CLCN7: variants seen among roughly 807,000 people sequenced by gnomAD.
CLCN7 encodes the protein Cl-/H+ antiporter 7, also known as H(+)/Cl(-) exchange transporter 7.
CLCN7 carries 60 observed loss-of-function variants against 102.1 expected under a neutral mutation model. The observed-to-expected ratio is 0.59, with a 90% CI of 0.48 to 0.73. CLCN7 has a LOEUF of 0.73. Ranked by LOEUF, CLCN7 falls within the 30% of genes least tolerant of loss-of-function variation. CLCN7 has a pLI of 0.00. For synonymous variants in CLCN7, 560 were observed against 490.5 expected (o/e 1.14, Z -1.87); for missense variants, 962 against 1,125.7 (o/e 0.85, Z 2.08).
chr16:1,468,434 T>C (rs1368871921), intron 1 of CLCN7, among the ~76,000 whole-genome samples: 23 of 152,204 alleles, frequency 1.5e-4, no homozygotes, highest in Admixed American at 1.5e-3. Context: ...TTTGAGAAGG[T>C]GGCTTTCGTA....
intron 1 of CLCN7, among the ~76,000 whole-genome samples, chr16:1,468,832 C>G (rs1014557619): frequency 2.6e-5 from 4 of 152,080 alleles, no homozygotes; most frequent in African/African-American, 9.7e-5. Context: ...GGGGGAAACT[C>G]GGTGAAGGGT....
chr16:1,447,459 T>A lies in CLCN7; in HGVS notation c.2183A>T (p.Gln728Leu), dbSNP rs1156961429. The A allele has an allele frequency of 6.4e-7, 1 of 1,552,732 alleles. No homozygotes were observed. The highest frequency in any genetic ancestry group is 1.2e-5 in the South Asian group (1 of 84,248). Residue 728 changes from glutamine to leucine, a missense_variant, in exon 23 of 25, where the codon CAG becomes CTG. Physicochemically the swap from Gln to Leu is moderately radical, Grantham distance 113. Around this residue, in one of 2 missense-constraint regions of CLCN7, gnomAD observed 799 missense variants for 988.0 expected, o/e 0.81. Coordinates refer to ENST00000382745, the MANE Select transcript of CLCN7 (RefSeq NM_001287.6). ...GTCCATGGTGCACTCCCGCTCGTCCTGGGACACGTGGATGGACTGGATGGG... is the reference window on the plus strand; with the variant it reads ...GTCCATGGTGCACTCCCGCTCGTCCAGGGACACGTGGATGGACTGGATGGG... Reference protein sequence around the residue: ...FPPIQSIHVSQDERECTMDLS... With the variant: ...FPPIQSIHVSLDERECTMDLS...
intron 10 of CLCN7, 89 bp downstream of exon 10, chr16:1,456,024 C>A: frequency 8.4e-7 from 1 of 1,187,508 alleles, no homozygotes; most frequent in Admixed American, 2.0e-5. Flanking sequence ...CTGCCACCCT[C>A]AGCGGGCACT....
intron 24 of CLCN7, 118 bp downstream of exon 24, chr16:1,446,888 C>T (rs375215757): frequency 1.2e-4 from 139 of 1,174,988 alleles, no homozygotes; most frequent in Non-Finnish European, 1.6e-4. Context: ...GGGCATGGGC[C>T]GACTCGGTGC....
chr16:1,469,039 GA>G (rs58295150), intron 1 of CLCN7, among the ~76,000 whole-genome samples: 17,851 of 118,464 alleles, frequency 0.15, 1,636 homozygotes, highest in African/African-American at 0.3. Flanking sequence ...TAAAAAAAAC[GA>G]AAAAAAAAAA....
intron 9 of CLCN7, 107 bp from the exon 10 acceptor site, chr16:1,456,313 G>A: frequency 1.2e-6 from 1 of 806,796 alleles, no homozygotes; most frequent in Non-Finnish European, 2.1e-6. Context: ...GGGGCTTTCA[G>A]GACAACCGAG....
chr16:1,469,664 C>A (rs1316529191), intron 1 of CLCN7, among the ~76,000 whole-genome samples: 1 of 152,088 alleles, frequency 6.6e-6, no homozygotes, highest in African/African-American at 2.4e-5. Flanking sequence ...TCAGCCTGGG[C>A]GACAGAGGGA....
chr16:1,459,415 G>GAA lies in CLCN7; in HGVS notation c.595-229_595-228insTT, dbSNP rs1220421588. The GAA allele has an allele frequency of 1.2e-5, 6 of 493,094 alleles. 1 individual carries two copies. The highest frequency in any genetic ancestry group is 1.0e-4 in the Admixed American group (3 of 29,010). The allele number at this position is 493,094 out of a possible 1,614,324, so 30.5% of individuals were successfully genotyped here. The stretch of plus-strand genomic sequence containing the variant: ...GCACACGTCGGGGCCCCAGGGAAGG[G>GAA]GAGCTCAGCACACACGTCGGGGCAT... On this transcript the variant is annotated intron_variant, in intron 6 of 24. Coordinates refer to ENST00000382745, the MANE Select transcript of CLCN7 (RefSeq NM_001287.6).
Position 1,446,997 on chromosome 16 carries a change from C to A in CLCN7, c.2331+9G>T. 6.3e-7 allele frequency: 1 copy of A among 1,577,450 alleles called. No homozygotes were observed. The highest frequency in any genetic ancestry group is 8.6e-7 in the Non-Finnish European group (1 of 1,166,154). ...ACGGCATGCCTGCACCCCCACCGCC[C>A]CCGCTCACCTGATTGCGGTTGTCCA... is the stretch of plus-strand genomic sequence containing the variant. On this transcript the variant is annotated intron_variant, in intron 24 of 24. Coordinates refer to ENST00000382745, the MANE Select transcript of CLCN7 (RefSeq NM_001287.6).
intron 2 of CLCN7, among the ~76,000 whole-genome samples, chr16:1,464,542 C>T (rs1329576491): frequency 1.3e-5 from 2 of 152,258 alleles, no homozygotes; most frequent in Admixed American, 6.5e-5. Context: ...AGCACGGCGC[C>T]GGCCTCGGGA....
intron 13 of CLCN7, among the ~76,000 whole-genome samples, 184 bp downstream of exon 13, chr16:1,454,227 A>G (rs2038798148): frequency 6.6e-6 from 1 of 152,248 alleles, no homozygotes; most frequent in Non-Finnish European, 1.5e-5. Context: ...AAGCCACAGA[A>G]GCGAAGCTTT....
At position 1,449,401 on chromosome 16, in the gene CLCN7, G is replaced by A. The variant is rs913339258; in HGVS notation, c.1618-74C>T. 7 of 1,453,682 alleles carry A rather than the reference G, an allele frequency of 4.8e-6. No individual in the cohort carries two copies. The East Asian group carries it at 7.4e-5, about 15-fold the overall frequency. The allele number at this position is 1,453,682 out of a possible 1,614,324, so 90.0% of individuals were successfully genotyped here. A position where few individuals can be genotyped will look rare whatever the true frequency, so the allele number is the denominator to read the frequency against. ...CCCACCAAGATACACAGACGGAGGA[G>A]GCCCTGCCCAGGCCCAGCAGCCCCA... On this transcript the variant is annotated intron_variant, in intron 17 of 24. Transcript: ENST00000382745.
intron 1 of CLCN7, among the ~76,000 whole-genome samples, chr16:1,466,182 C>T (rs2039002159): frequency 6.6e-6 from 1 of 152,262 alleles, no homozygotes; most frequent in Non-Finnish European, 1.5e-5. Context: ...GTGCGCCTGT[C>T]AGGAAAGTGT....
In CLCN7 at chr16:1,457,819, C is replaced by A; in HGVS notation, c.676-63G>T. On this transcript the variant is annotated intron_variant, in intron 7 of 24. Coordinates refer to ENST00000382745, the MANE Select transcript of CLCN7 (RefSeq NM_001287.6). The surrounding 1 kb of genome is among the most constrained non-coding windows in gnomAD (Gnocchi z 5.4). ...GCAGGCGCTGTCTTTGGACCTGAGC[C>A]GTAAAACAGCACACACAGCCCCGAT... The A allele has an allele frequency of 6.6e-7, 1 of 1,505,636 alleles. No homozygotes were observed. Among genetic ancestry groups the A allele is most frequent in the Non-Finnish European group, 9.2e-7 (1 of 1,083,272 alleles). 93.3% of individuals were successfully genotyped at this position (1,505,636 alleles called of 1,614,324 possible). A position where few individuals can be genotyped will look rare whatever the true frequency, so the allele number is the denominator to read the frequency against.
chr16:1,449,198 C>T, intron 18 of CLCN7, 78 bp downstream of exon 18: 1 of 1,576,576 alleles, frequency 6.3e-7, no homozygotes. Context: ...CTCCCAGACC[C>T]TAGCCCCGCA....
intron 12 of CLCN7, 52 bp downstream of exon 12, chr16:1,455,082 G>A (rs2038812980): frequency 9.4e-7 from 1 of 1,062,974 alleles, no homozygotes; most frequent in Non-Finnish European, 1.5e-6. Context: ...TAAGCAAACA[G>A]GGTCCTGGAC....
Position 1,455,171 on chromosome 16 carries a change from C to A in CLCN7, c.1061G>T (p.Ser354Ile). ...CCTTCCGAAGTTGATGAGGCCTGGG[C>A]TGGACAGGTCCCACATGTTCCCGTG... ...IYHGNMWDLS[S>I]PGLINFGRFD... The change falls in exon 12 of 25, where the codon AGC becomes ATC. Residue 354 changes from serine (S) to isoleucine (I), a missense_variant. Ser to Ile is a moderately radical substitution (Grantham distance 142). Around this residue, in one of 2 missense-constraint regions of CLCN7, gnomAD observed 799 missense variants for 988.0 expected, o/e 0.81. Coordinates refer to ENST00000382745, the MANE Select transcript of CLCN7 (RefSeq NM_001287.6). 6.2e-7 allele frequency: 1 copy of A among 1,613,614 alleles called. No individual in the cohort carries two copies. Among genetic ancestry groups the A allele is most frequent in the Non-Finnish European group, 8.5e-7 (1 of 1,179,570 alleles).
chr16:1,448,478 C>T lies in CLCN7; in HGVS notation c.1890G>A (p.Val630=), dbSNP rs150110392. The T allele has an allele frequency of 8.6e-5, 138 of 1,609,654 alleles. No individual in the cohort carries two copies. Among genetic ancestry groups the T allele is most frequent in the Non-Finnish European group, 1.1e-4 (131 of 1,179,952 alleles). The part of the protein sequence containing the change: ...VTSHSLTARE[V]MSTPVTCLRR... ...TCAGGCAGGTCACTGGTGTGCTCAT[C>T]ACCTCCCTGCCGGAGGAGCCCGGCC... Residue 630 remains valine, a synonymous_variant, in exon 21 of 25, where the codon GTG becomes GTA. Transcript: ENST00000382745.
At chr16:1,456,078 G>A (rs2038830641) in intron 10 of CLCN7, 35 bp downstream of exon 10, 2 of 1,491,098 alleles carry the variant, frequency 1.3e-6, no homozygotes, top group Non-Finnish European at 1.8e-6. Flanking sequence ...CACAGGGCGA[G>A]GGCAAAGCAT....
Sources: gnomAD v4.1 joint callset for allele counts (sites outside exome capture counted in the v4.1 genomes callset) on GRCh38, gnomAD v4.1.1 for gene constraint, gnomAD v4.1.1 regional missense constraint, Gnocchi (gnomAD v3.1) non-coding constraint, MANE v1.5 for transcripts, NCBI Gene and HGNC (gene_info 2026-07-23, HGNC 2026-07-21) for gene names.